Variants in BLTP1 observed in about 807,000 individuals in gnomAD.
BLTP1 encodes the protein bridge-like lipid transfer protein family member 1.
chr4:122,231,907 A>G, the BLTP1 span: 1 of 812,806 alleles, frequency 1.2e-6, no homozygotes, highest in South Asian at 5.6e-5. Flanking sequence ...AAATTAATTG[A>G]GGAAGATTTG....
At chr4:122,276,975 A>G in the BLTP1 span, 1 of 978,702 alleles carries the variant, frequency 1.0e-6, no homozygotes, top group Non-Finnish European at 1.2e-6. Context: ...GCAGCCCAGC[A>G]GAGATTATGT....
chr4:122,348,728 C>T, the BLTP1 span: 2 of 1,532,280 alleles, frequency 1.3e-6, no homozygotes, highest in Admixed American at 1.8e-5. Flanking sequence ...GTAAGCTATT[C>T]AGATACAAAG....
the BLTP1 span, chr4:122,180,247 C>A: frequency 1.1e-6 from 1 of 890,944 alleles, no homozygotes; most frequent in Middle Eastern, 5.8e-4. Flanking sequence ...TCATTTTTTT[C>A]ATCTATAAAA....
At chr4:122,344,785 A>T in the BLTP1 span, 6 of 983,934 alleles carry the variant, frequency 6.1e-6, no homozygotes, top group Non-Finnish European at 7.2e-6. Flanking sequence ...AGGGCCAAGT[A>T]TGCCTAATTA....
the BLTP1 span, chr4:122,316,548 C>A: frequency 1.4e-6 from 1 of 719,912 alleles, no homozygotes; most frequent in Non-Finnish European, 2.3e-6. Context: ...CATGGGGAAA[C>A]GTAGGTAGCA....
the BLTP1 span, chr4:122,362,315 T>C: frequency 1.7e-6 from 2 of 1,202,026 alleles, no homozygotes; most frequent in Non-Finnish European, 2.4e-6. Flanking sequence ...GTTTTTTTAG[T>C]ATAATAATTT....
At chr4:122,349,555 G>A in the BLTP1 span, 1 of 1,612,556 alleles carries the variant, frequency 6.2e-7, no homozygotes, top group Non-Finnish European at 8.5e-7. This position sits in a 1 kb window ranked among gnomAD's most constrained non-coding sequence, Gnocchi z 4.5. Flanking sequence ...ATCCTCATGG[G>A]CATCTTCAGT....
the BLTP1 span, among the ~76,000 whole-genome samples, chr4:122,215,079 A>AT: frequency 6.6e-6 from 1 of 152,240 alleles, no homozygotes; most frequent in South Asian, 2.1e-4. Context: ...CTACAAATGT[A>AT]TTAACTCATG....
At chr4:122,220,940 A>G in the BLTP1 span, 1 of 239,328 alleles carries the variant, frequency 4.2e-6, no homozygotes, top group African/African-American at 2.3e-5. Flanking sequence ...CTCTTTTAAA[A>G]GAGAACCAAT....
At chr4:122,270,379 G>T in the BLTP1 span, 1 of 980,970 alleles carries the variant, frequency 1.0e-6, no homozygotes, top group Non-Finnish European at 1.2e-6. Context: ...GGGGCTTATT[G>T]TTATTATTGG....
the BLTP1 span, chr4:122,334,319 T>A: frequency 6.8e-7 from 1 of 1,477,306 alleles, no homozygotes; most frequent in Non-Finnish European, 9.4e-7. Context: ...ATTTTAATTT[T>A]AAAAGTTTAT....
chr4:122,219,511 C>T, the BLTP1 span: 1 of 1,613,978 alleles, frequency 6.2e-7, no homozygotes, highest in Non-Finnish European at 8.5e-7. Context: ...TGCCTTGCGT[C>T]CTTGGGATAT....
the BLTP1 span, chr4:122,305,912 T>G: frequency 6.2e-7 from 1 of 1,602,002 alleles, no homozygotes; most frequent in South Asian, 1.1e-5. Context: ...TTCATCAAGT[T>G]GCCTATTTTA....
chr4:122,229,982 G>A, the BLTP1 span: 1 of 1,614,114 alleles, frequency 6.2e-7, no homozygotes. Flanking sequence ...ATCGGTTGGG[G>A]AAGGAATCAG....
At chr4:122,186,578 G>A in the BLTP1 span, among the ~76,000 whole-genome samples, 3 of 151,910 alleles carry the variant, frequency 2.0e-5, no homozygotes, top group South Asian at 4.1e-4. Context: ...CTAAACATAT[G>A]TGTTTAGAAT....
At chr4:122,218,225 A>AT in the BLTP1 span, among the ~76,000 whole-genome samples, 1 of 151,898 alleles carries the variant, frequency 6.6e-6, no homozygotes, top group Admixed American at 6.6e-5. Flanking sequence ...CATTTATGTT[A>AT]TTTTTTAAAA....
the BLTP1 span, among the ~76,000 whole-genome samples, chr4:122,242,595 T>A: frequency 6.6e-6 from 1 of 152,242 alleles, no homozygotes; most frequent in Non-Finnish European, 1.5e-5. Flanking sequence ...TTCCTTGTTA[T>A]CATTTATGGA....
chr4:122,273,526 C>T, the BLTP1 span: 1 of 687,110 alleles, frequency 1.5e-6, no homozygotes, highest in Admixed American at 6.3e-5. Context: ...TCTGTTTAGC[C>T]AAAGTTAAGA....
the BLTP1 span, among the ~76,000 whole-genome samples, chr4:122,264,628 T>C: frequency 6.6e-6 from 1 of 152,210 alleles, no homozygotes; most frequent in East Asian, 1.9e-4. Flanking sequence ...CTATATGTAA[T>C]CATTAAATAG....
Sources: allele counts gnomAD v4.1 joint callset (sites outside exome capture counted in the v4.1 genomes callset), GRCh38; gene constraint gnomAD v4.1.1; non-coding constraint Gnocchi (gnomAD v3.1); transcripts MANE v1.5; gene names NCBI Gene and HGNC (gene_info 2026-07-23, HGNC 2026-07-21).